Variants in PRKN observed in about 807,000 individuals in gnomAD.
PRKN encodes the protein E3 ubiquitin-protein ligase parkin.
Under a neutral mutation model 59.5 loss-of-function variants are expected in PRKN, and 56 were observed. The observed-to-expected ratio is 0.94, with a 90% CI of 0.76 to 1.18. The LOEUF (loss-of-function observed/expected upper bound fraction) is 1.18. Among genes scored for constraint, PRKN ranks in the 50% most tolerant of loss-of-function variants. PRKN has a pLI of 0.00. For missense variants in PRKN, 657 were observed against 596.4 expected, an observed-to-expected ratio of 1.10 and a Z score of -1.06; for synonymous variants, 250 against 222.1, an observed-to-expected ratio of 1.13 and a Z score of -1.12.
intron 4 of PRKN, among the ~76,000 whole-genome samples, chr6:162,084,173 A>G (rs1779165957): frequency 1.3e-5 from 2 of 152,164 alleles, no homozygotes; most frequent in Admixed American, 6.5e-5. Context: ...CAAACATAAA[A>G]TATAATATTA....
rs947890278 is a variant in PRKN at position 161,550,704 on chromosome 6, C to A, written c.934-1701G>T. Among the ~76,000 whole-genome samples the A allele has an allele frequency of 6.7e-6, 1 of 148,162 alleles. No individual in the cohort carries two copies. Among genetic ancestry groups the A allele is most frequent in the South Asian group, 2.1e-4 (1 of 4,718 alleles). On this transcript the variant is annotated intron_variant, in intron 8 of 11. Transcript: ENST00000366898. The surrounding 1 kb of genome is among the most constrained non-coding windows in gnomAD (Gnocchi z 4.0). ...AGGAGGCGGGTAGGGGTGGGGACAA[C>A]TGTGGTAGAAGAAAGGGTATGTGTG...
chr6:162,155,207 G>T (rs976024689), intron 4 of PRKN, among the ~76,000 whole-genome samples: 1 of 151,888 alleles, frequency 6.6e-6, no homozygotes, highest in African/African-American at 2.4e-5. Flanking sequence ...CCTGGCAGTG[G>T]CTTACCATTC....
intron 1 of PRKN, among the ~76,000 whole-genome samples, chr6:162,573,873 C>A (rs1029644765): frequency 2.3e-4 from 35 of 152,080 alleles, no homozygotes; most frequent in African/African-American, 8.5e-4. Context: ...AATTAACAAG[C>A]GTGAGGCCTG....
intron 3 of PRKN, among the ~76,000 whole-genome samples, chr6:162,238,394 T>C (rs1025147888): frequency 6.6e-6 from 1 of 152,194 alleles, no homozygotes; most frequent in African/African-American, 2.4e-5. Context: ...AACAAGAAGA[T>C]TGTCTAACCA....
At position 162,423,471 on chromosome 6, in the gene PRKN, T is replaced by C. The variant is rs565685890; in HGVS notation, c.171+19839A>G. The stretch of plus-strand genomic sequence containing the variant: ...ACATCTAGACAAAGTTTAGGTGCTA[T>C]ATAACTCAGGGACAATCTTCAGCTT... On this transcript the variant is annotated intron_variant, in intron 2 of 11. Coordinates refer to ENST00000366898, the MANE Select transcript of PRKN (RefSeq NM_004562.3). Among the ~76,000 whole-genome samples, 6 of 152,314 alleles carry C rather than the reference T, an allele frequency of 3.9e-5. No individual in the cohort carries two copies. The South Asian group carries it at 1.2e-3, about 32-fold the overall frequency.
At chr6:162,004,619 G>A (rs1782179284) in intron 5 of PRKN, among the ~76,000 whole-genome samples, 1 of 152,100 alleles carries the variant, frequency 6.6e-6, no homozygotes, top group African/African-American at 2.4e-5. Context: ...CATAATGATA[G>A]CACTGAAAGT....
At chr6:162,324,131 A>G (rs1783162215) in intron 2 of PRKN, among the ~76,000 whole-genome samples, 1 of 152,124 alleles carries the variant, frequency 6.6e-6, no homozygotes, top group African/African-American at 2.4e-5. Context: ...TAAATATACC[A>G]GCAACATGAA....
At position 162,364,793 on chromosome 6, in the gene PRKN, C is replaced by T. The variant is rs533590135; in HGVS notation, c.171+78517G>A. On this transcript the variant is annotated intron_variant, in intron 2 of 11. Transcript: ENST00000366898. ...GAGAGGCTTACATTTCCAGAATGAG[C>T]CAGAGTTCAGATAAAGATATTTGTG... Among the ~76,000 whole-genome samples the T allele has an allele frequency of 7.2e-5, 11 of 152,134 alleles. No homozygotes were observed. The South Asian group carries it at 2.3e-3, about 32-fold the overall frequency.
intron 7 of PRKN, among the ~76,000 whole-genome samples, chr6:161,710,845 CTTCTTCCCTTCCCTTCCCT>C (rs1484873281): frequency 1.2e-4 from 6 of 51,428 alleles, no homozygotes; most frequent in South Asian, 1.9e-3. Context: ...TCCCCCTTTC[CTTCTTCCCTTCCCTTCCCT>C]TTCCTTCCTT....
intron 7 of PRKN, among the ~76,000 whole-genome samples, chr6:161,727,870 T>C (rs2128187303): frequency 6.6e-6 from 1 of 152,346 alleles, no homozygotes; most frequent in Non-Finnish European, 1.5e-5. Context: ...CTACTTACTT[T>C]TCTCTGAATA....
intron 4 of PRKN, among the ~76,000 whole-genome samples, chr6:162,058,147 G>A (rs564130897): frequency 2.0e-5 from 3 of 152,114 alleles, no homozygotes; most frequent in Non-Finnish European, 4.4e-5. Context: ...TTGTGGACCA[G>A]CTCTTGCAAT....
intron 5 of PRKN, among the ~76,000 whole-genome samples, chr6:161,977,457 C>T (rs539291373): frequency 7.3e-5 from 11 of 150,642 alleles, no homozygotes; most frequent in African/African-American, 2.4e-4. Context: ...TGAAGGGAAA[C>T]ATTGTCTTTA....
chr6:161,650,604 C>G (rs1784117243), intron 7 of PRKN, among the ~76,000 whole-genome samples: 1 of 152,148 alleles, frequency 6.6e-6, no homozygotes, highest in Non-Finnish European at 1.5e-5. Context: ...TTGATTTATC[C>G]TGTAAACATC....
chr6:161,783,771 T>C (rs1790306979), intron 7 of PRKN: 1 of 443,604 alleles, frequency 2.3e-6, no homozygotes, highest in Non-Finnish European at 4.3e-6. Flanking sequence ...ATGCTTTTGT[T>C]AAAAAGAAAG....
rs1554244227 is a variant in PRKN at position 161,897,984 on chromosome 6, A to AAAAAAAAAAAT, written c.734+75317_734+75318insATTTTTTTTTT. On this transcript the variant is annotated intron_variant, in intron 6 of 11. Coordinates refer to ENST00000366898, the MANE Select transcript of PRKN (RefSeq NM_004562.3). ...TCCGTCTCAAAAAAAAAAAAAAAAA[A>AAAAAAAAAAAT]GTCTCCCAGTTGCATAGAAAAGGTT... Among the ~76,000 whole-genome samples, 20 of 117,660 alleles carry AAAAAAAAAAAT rather than the reference A, an allele frequency of 1.7e-4. 2 individuals carry two copies. Among genetic ancestry groups the AAAAAAAAAAAT allele is most frequent in the African/African-American group, 7.1e-4 (17 of 24,018 alleles). The allele number at this position is 117,660 out of a possible 152,430, so 77.2% of individuals were successfully genotyped here.
chr6:161,563,541 G>A (rs541341262), intron 8 of PRKN, among the ~76,000 whole-genome samples: 2 of 152,326 alleles, frequency 1.3e-5, no homozygotes, highest in South Asian at 4.2e-4. Context: ...TAGGGGGAAG[G>A]AGTGTTGAAA....
chr6:161,875,288 G>A (rs1010563871), intron 6 of PRKN, among the ~76,000 whole-genome samples: 4 of 150,376 alleles, frequency 2.7e-5, no homozygotes, highest in African/African-American at 7.4e-5. Flanking sequence ...TCCTCCTCCT[G>A]GGTTCAAGTT....
intron 7 of PRKN, among the ~76,000 whole-genome samples, chr6:161,698,226 T>C (rs994684792): frequency 6.6e-6 from 1 of 152,078 alleles, no homozygotes; most frequent in Non-Finnish European, 1.5e-5. Context: ...AATACAAATA[T>C]GCAGACAGGC....
At chr6:162,314,194 G>C (rs1356194442) in intron 2 of PRKN, among the ~76,000 whole-genome samples, 1 of 152,116 alleles carries the variant, frequency 6.6e-6, no homozygotes, top group Admixed American at 6.5e-5. Context: ...GTAATCCCAT[G>C]TTCTGGGTTG....
Sources: gnomAD v4.1 joint callset for allele counts (sites outside exome capture counted in the v4.1 genomes callset) on GRCh38, gnomAD v4.1.1 for gene constraint, Gnocchi (gnomAD v3.1) non-coding constraint, MANE v1.5 for transcripts, NCBI Gene and HGNC (gene_info 2026-07-23, HGNC 2026-07-21) for gene names.